SEPTIN12: variants seen among roughly 807,000 people sequenced by gnomAD.
The protein encoded by SEPTIN12 is septin 12.
A neutral mutation model predicts 37.7 loss-of-function variants in SEPTIN12; 42 were observed. The observed-to-expected ratio is 1.11, with a 90% CI of 0.87 to 1.44. The LOEUF is 1.44. Among genes scored for constraint, SEPTIN12 ranks in the 40% most tolerant of loss-of-function variants. The probability of loss-of-function intolerance (pLI) is 0.00; values close to 1 mark genes in which losing one functional copy is unlikely to be tolerated. For synonymous variants in SEPTIN12, 254 were observed against 196.7 expected (o/e 1.29, Z -2.44); for missense variants, 613 against 479.2 (o/e 1.28, Z -2.61).
At chr16:4,780,998 C>T (rs1036353664) in intron 7 of SEPTIN12, among the ~76,000 whole-genome samples, 7 of 151,952 alleles carry the variant, frequency 4.6e-5, no homozygotes, top group Non-Finnish European at 7.4e-5. Flanking sequence ...CGGTGGCTCA[C>T]GCCTATAATC....
chr16:4,790,257 C>T (rs1008832862), upstream of SEPTIN12, among the ~76,000 whole-genome samples: 4 of 152,176 alleles, frequency 2.6e-5, no homozygotes, highest in Non-Finnish European at 4.4e-5. Flanking sequence ...GTCCTAAGTT[C>T]TCTGTTGCAA....
chr16:4,788,165 A>C (rs9932852), intron 1 of SEPTIN12, 115 bp downstream of exon 1: 40,711 of 157,706 alleles, frequency 0.26, 5,589 homozygotes, highest in African/African-American at 0.33. Flanking sequence ...ACAGGCATGA[A>C]GGTGACGGAG....
intron 7 of SEPTIN12, among the ~76,000 whole-genome samples, chr16:4,782,770 A>G (rs2082385945): frequency 6.6e-6 from 1 of 151,444 alleles, no homozygotes; most frequent in African/African-American, 2.4e-5. Context: ...CGCCCAGCTG[A>G]TTTCTTGTAT....
At chr16:4,785,474 T>C (rs541766854) in intron 4 of SEPTIN12, among the ~76,000 whole-genome samples, 37 of 151,734 alleles carry the variant, frequency 2.4e-4, no homozygotes, top group African/African-American at 7.7e-4. Flanking sequence ...GCCCCCACCT[T>C]TGAGAACCCA....
chr16:4,790,271 C>G (rs2082531606), upstream of SEPTIN12, among the ~76,000 whole-genome samples: 1 of 152,136 alleles, frequency 6.6e-6, no homozygotes, highest in Non-Finnish European at 1.5e-5. Flanking sequence ...GTTGCAACTA[C>G]TATGCAACTT....
chr16:4,779,449 C>T (rs981451417), intron 8 of SEPTIN12, among the ~76,000 whole-genome samples: 4 of 152,300 alleles, frequency 2.6e-5, no homozygotes, highest in African/African-American at 4.8e-5. Flanking sequence ...TGGTTCTCCC[C>T]GCTCCAACAC....
chr16:4,782,192 TG>T (rs1240164393), intron 7 of SEPTIN12, among the ~76,000 whole-genome samples: 2 of 151,996 alleles, frequency 1.3e-5, no homozygotes, highest in African/African-American at 4.8e-5. Context: ...GCAAGTGATC[TG>T]CCCACCTCAG....
upstream of SEPTIN12, among the ~76,000 whole-genome samples, chr16:4,791,732 G>C (rs1162760219): frequency 6.6e-6 from 1 of 152,168 alleles, no homozygotes; most frequent in Non-Finnish European, 1.5e-5. Flanking sequence ...CTGTCACCCA[G>C]GCTGGAGTGC....
chr16:4,790,678 C>T (rs540336389), upstream of SEPTIN12, among the ~76,000 whole-genome samples: 110 of 152,254 alleles, frequency 7.2e-4, 1 homozygote, highest in Admixed American at 4.7e-3. Flanking sequence ...GTCGCAGCTA[C>T]TTGGGAGGCT....
At chr16:4,778,367 T>G (rs1350097983) in intron 8 of SEPTIN12, among the ~76,000 whole-genome samples, 1 of 152,342 alleles carries the variant, frequency 6.6e-6, no homozygotes, top group South Asian at 2.1e-4. Context: ...CACCAATCAT[T>G]ATTGTATTAT....
At position 4,785,849 on chromosome 16, in the gene SEPTIN12, G is replaced by A. The variant is rs145805283; in HGVS notation, c.332C>T (p.Thr111Met). 3.6e-5 allele frequency: 58 copies of A among 1,612,514 alleles called. No homozygotes were observed. Among genetic ancestry groups the A allele is most frequent in the East Asian group, 6.7e-5 (3 of 44,820 alleles). The change falls in exon 4 of 10, where the codon ACG becomes ATG. Residue 111 changes from threonine to methionine, a missense_variant. Coordinates refer to ENST00000268231, the MANE Select transcript of SEPTIN12 (RefSeq NM_144605.5). The stretch of plus-strand genomic sequence containing the variant: ...CTGGTCCCCGAAGCCGGGCGTGTCC[G>A]TCACCGTCAGCTTCAGCTTCACACC... ...EKGVKLKLTV[T>M]DTPGFGDQIN...
At chr16:4,785,560 G>C (rs1183679549) in intron 4 of SEPTIN12, 1 of 460,752 alleles carries the variant, frequency 2.2e-6, no homozygotes, top group Non-Finnish European at 4.0e-6. Flanking sequence ...GATCATCTGA[G>C]GTCAGGAGTT....
At chr16:4,784,891 C>T (rs1334856793) in intron 4 of SEPTIN12, among the ~76,000 whole-genome samples, 1 of 152,130 alleles carries the variant, frequency 6.6e-6, no homozygotes, top group East Asian at 1.9e-4. Context: ...AAGTGGATCA[C>T]CTGAGGTCAG....
chr16:4,781,402 G>A (rs538454673), intron 7 of SEPTIN12, among the ~76,000 whole-genome samples: 18 of 151,564 alleles, frequency 1.2e-4, no homozygotes, highest in Non-Finnish European at 1.9e-4. Flanking sequence ...TTTTCATCAC[G>A]TCCCCCCAAA....
At chr16:4,786,888 T>C (rs929877062) in intron 2 of SEPTIN12, among the ~76,000 whole-genome samples, 8 of 151,970 alleles carry the variant, frequency 5.3e-5, no homozygotes, top group African/African-American at 1.9e-4. Context: ...CCTCCAGGGA[T>C]CCTTCTGCTT....
rs765430560 is a variant in SEPTIN12 at position 4,787,666 on chromosome 16, G to A, written c.-21C>T. ...TCCATGGGGGCCAAGGGTTCGAGAT[G>A]CCTGTCACCAGGTGGGTGGGGAGAA... is the stretch of plus-strand genomic sequence containing the variant. On this transcript the variant is annotated splice_region_variant and 5_prime_UTR_variant, in exon 2 of 10. Coordinates refer to ENST00000268231, the MANE Select transcript of SEPTIN12 (RefSeq NM_144605.5). 5 of 1,460,566 alleles carry A rather than the reference G, an allele frequency of 3.4e-6. No individual in the cohort carries two copies. The highest frequency in any genetic ancestry group is 4.7e-6 in the Non-Finnish European group (5 of 1,070,296). 90.5% of individuals were successfully genotyped at this position (1,460,566 alleles called of 1,614,324 possible).
chr16:4,782,130 A>T (rs924497155), intron 7 of SEPTIN12, among the ~76,000 whole-genome samples: 2 of 150,998 alleles, frequency 1.3e-5, no homozygotes, highest in Non-Finnish European at 2.9e-5. Flanking sequence ...TTGTATTTTT[A>T]GTAGAGACAG....
rs1375849846 is a variant in SEPTIN12 at position 4,784,219 on chromosome 16, A to G, written c.375-151T>C. 8 of 742,276 alleles carry G rather than the reference A, an allele frequency of 1.1e-5. No individual in the cohort carries two copies. The Admixed American group carries it at 2.0e-4, about 18-fold the overall frequency. 46.0% of individuals were successfully genotyped at this position (742,276 alleles called of 1,614,324 possible). On this transcript the variant is annotated intron_variant, in intron 4 of 9. Coordinates refer to ENST00000268231, the MANE Select transcript of SEPTIN12 (RefSeq NM_144605.5). ...GTGGGTCACCCCGGTACTTTCCCCCACTTCCCTGCATCATCAGAGACACAC... is the reference window on the plus strand; with the variant it reads ...GTGGGTCACCCCGGTACTTTCCCCCGCTTCCCTGCATCATCAGAGACACAC...
intron 4 of SEPTIN12, 51 bp from the exon 5 acceptor site, chr16:4,784,119 C>T: frequency 1.2e-6 from 2 of 1,605,038 alleles, no homozygotes; most frequent in Non-Finnish European, 8.5e-7. Context: ...GCCCAGAGAG[C>T]CCCACCCCTC....
Sources: gnomAD v4.1 joint callset for allele counts (sites outside exome capture counted in the v4.1 genomes callset) on GRCh38, gnomAD v4.1.1 for gene constraint, MANE v1.5 for transcripts, NCBI Gene and HGNC (gene_info 2026-07-23, HGNC 2026-07-21) for gene names.